The following SLC9A9 variants were observed in gnomAD, a reference collection of about 807,000 sequenced individuals.
SLC9A9 encodes solute carrier family 9 member A9.
Under a neutral mutation model 77.8 loss-of-function variants are expected in SLC9A9, and 62 were observed. That is an observed-to-expected ratio of 0.80 (90% CI 0.65 to 0.98). The LOEUF (loss-of-function observed/expected upper bound fraction) is 0.98, where lower values mean the gene tolerates loss of function less well. Among genes scored for constraint, SLC9A9 ranks in the 50% least tolerant of loss-of-function variants. The probability of loss-of-function intolerance (pLI) is 0.00; values close to 1 mark genes in which losing one functional copy is unlikely to be tolerated. For synonymous variants in SLC9A9, 320 were observed against 283.5 expected (o/e 1.13, Z -1.29); for missense variants, 775 against 774.9 (o/e 1.00, Z 0.00).
intron 6 of SLC9A9, among the ~76,000 whole-genome samples, chr3:143,633,518 A>C (rs2038462697): frequency 6.6e-6 from 1 of 152,140 alleles, no homozygotes; most frequent in African/African-American, 2.4e-5. Flanking sequence ...TATGTAGCAC[A>C]GTATATTTAA....
chr3:143,811,315 A>C (rs1474183506), intron 2 of SLC9A9, among the ~76,000 whole-genome samples: 2 of 152,132 alleles, frequency 1.3e-5, no homozygotes, highest in Non-Finnish European at 2.9e-5. Context: ...GCCTTAAGTT[A>C]TGCTTTGGTT....
At chr3:143,274,704 CAAAG>C (rs917952878) in intron 14 of SLC9A9, among the ~76,000 whole-genome samples, 1 of 152,160 alleles carries the variant, frequency 6.6e-6, no homozygotes, top group Non-Finnish European at 1.5e-5. Context: ...TTCAAGGACA[CAAAG>C]AATCAAATGA....
At chr3:143,665,896 A>G (rs906562283) in intron 5 of SLC9A9, among the ~76,000 whole-genome samples, 4 of 152,244 alleles carry the variant, frequency 2.6e-5, no homozygotes, top group African/African-American at 9.6e-5. Context: ...GAATTCTACC[A>G]GAGGTACAAA....
At chr3:143,686,511 A>C (rs1933270393) in intron 5 of SLC9A9, among the ~76,000 whole-genome samples, 1 of 152,120 alleles carries the variant, frequency 6.6e-6, no homozygotes, top group South Asian at 2.1e-4. Context: ...ACAGTTGAGC[A>C]TAGACCTGAA....
intron 12 of SLC9A9, among the ~76,000 whole-genome samples, chr3:143,407,470 T>C (rs2034004247): frequency 6.6e-6 from 1 of 152,248 alleles, no homozygotes; most frequent in Non-Finnish European, 1.5e-5. Flanking sequence ...GCCATTCTTA[T>C]CCAGTTATTG....
chr3:143,383,531 A>AT (rs1187440837), intron 12 of SLC9A9, among the ~76,000 whole-genome samples: 1 of 152,314 alleles, frequency 6.6e-6, no homozygotes, highest in Admixed American at 6.5e-5. Context: ...GAAACTATGT[A>AT]TTTTTTTGCA....
At chr3:143,508,634 A>C (rs2036067688) in intron 9 of SLC9A9, among the ~76,000 whole-genome samples, 1 of 152,220 alleles carries the variant, frequency 6.6e-6, no homozygotes, top group Non-Finnish European at 1.5e-5. Flanking sequence ...TTCTACTGTA[A>C]TGGTACAACA....
At chr3:143,530,257 G>A (rs944097395) in intron 9 of SLC9A9, among the ~76,000 whole-genome samples, 1 of 152,210 alleles carries the variant, frequency 6.6e-6, no homozygotes, top group African/African-American at 2.4e-5. Flanking sequence ...AAGCTCCCAT[G>A]ATTCCCACAT....
chr3:143,846,418 G>A (rs1354890677), intron 1 of SLC9A9, among the ~76,000 whole-genome samples: 1 of 151,534 alleles, frequency 6.6e-6, no homozygotes, highest in African/African-American at 2.4e-5. Context: ...GAAAAATTCT[G>A]TTCATGATGG....
chr3:143,651,738 C>T (rs1473853413), intron 6 of SLC9A9, among the ~76,000 whole-genome samples: 2 of 152,198 alleles, frequency 1.3e-5, no homozygotes, highest in Non-Finnish European at 2.9e-5. Flanking sequence ...TGCACTGGTG[C>T]TGAGCTGAAG....
intron 5 of SLC9A9, among the ~76,000 whole-genome samples, chr3:143,683,795 A>G (rs1482754102): frequency 6.6e-6 from 1 of 152,114 alleles, no homozygotes; most frequent in Non-Finnish European, 1.5e-5. Flanking sequence ...CATTACATAT[A>G]TTACACTCCC....
chr3:143,392,607 C>A (rs1380920708), intron 12 of SLC9A9, among the ~76,000 whole-genome samples: 4 of 152,158 alleles, frequency 2.6e-5, no homozygotes, highest in African/African-American at 9.7e-5. Flanking sequence ...ACAACATTAA[C>A]CTTAAATGTA....
intron 12 of SLC9A9, among the ~76,000 whole-genome samples, chr3:143,463,397 C>A (rs1251344164): frequency 1.3e-5 from 2 of 152,200 alleles, no homozygotes; most frequent in Admixed American, 1.3e-4. Flanking sequence ...GGTGCCACTG[C>A]CAGAGAGCTC....
Position 143,382,085 on chromosome 3 carries a change from T to G in SLC9A9, c.1499A>C (p.Lys500Thr), listed in dbSNP as rs1362555023. The G allele has an allele frequency of 1.2e-6, 2 of 1,614,148 alleles. No individual in the cohort carries two copies. Among genetic ancestry groups the G allele is most frequent in the East Asian group, 2.2e-5 (1 of 44,888 alleles). Residue 500 changes from lysine (K) to threonine (T), a missense_variant, in exon 13 of 16, where the codon AAG (lysine) becomes ACG (threonine). Coordinates refer to ENST00000316549, the MANE Select transcript of SLC9A9 (RefSeq NM_173653.4). The stretch of plus-strand genomic sequence containing the variant: ...CTGGTGTTGTGAGGAGGGGTCCTCC[T>G]TCAGATTTTCATCCAGGTCCACGCC... ...RVGVDLDENL[K>T]EDPSSQHQEA...
chr3:143,817,027 T>C (rs1423667425), intron 2 of SLC9A9, among the ~76,000 whole-genome samples: 1 of 152,220 alleles, frequency 6.6e-6, no homozygotes, highest in African/African-American at 2.4e-5. Context: ...CTATTCTGCT[T>C]TGGTTATTTA....
intron 12 of SLC9A9, among the ~76,000 whole-genome samples, chr3:143,409,171 A>G (rs368792103): frequency 2.2e-4 from 34 of 152,318 alleles, no homozygotes; most frequent in African/African-American, 7.9e-4. Context: ...AGTTACCACC[A>G]CTGGTATTAA....
intron 12 of SLC9A9, among the ~76,000 whole-genome samples, chr3:143,397,353 T>C (rs974279796): frequency 1.3e-5 from 2 of 152,192 alleles, no homozygotes. Context: ...CTAGTGTTAC[T>C]GGGTGGGGAG....
intron 4 of SLC9A9, among the ~76,000 whole-genome samples, chr3:143,792,933 T>C (rs1261027851): frequency 6.6e-6 from 1 of 152,176 alleles, no homozygotes; most frequent in Non-Finnish European, 1.5e-5. Flanking sequence ...GCTAAAACAT[T>C]TCAATGATTT....
intron 7 of SLC9A9, among the ~76,000 whole-genome samples, chr3:143,577,123 G>A (rs1351697050): frequency 6.6e-6 from 1 of 152,040 alleles, no homozygotes; most frequent in African/African-American, 2.4e-5. Flanking sequence ...TTAAAAACAG[G>A]ACTGTCAGTG....
Sources: allele counts gnomAD v4.1 joint callset (sites outside exome capture counted in the v4.1 genomes callset), GRCh38; gene constraint gnomAD v4.1.1; transcripts MANE v1.5; gene names NCBI Gene and HGNC (gene_info 2026-07-23, HGNC 2026-07-21).